GABRG3: variants seen among roughly 807,000 people sequenced by gnomAD.
GABRG3 encodes gamma-aminobutyric acid receptor subunit gamma-3.
A neutral mutation model predicts 48.8 loss-of-function variants in GABRG3; 25 were observed. The ratio of observed to expected loss-of-function variants is 0.51; its 90% CI spans 0.37 to 0.72. The LOEUF is 0.72. GABRG3 is among the 30% of genes least tolerant of loss of function. The pLI is 0.00. For missense variants in GABRG3, 394 were observed against 577.9 expected (o/e 0.68, Z 3.26); for synonymous variants, 227 against 217.6 (o/e 1.04, Z -0.38).
At chr15:27,265,574 A>C (rs188526333) in intron 3 of GABRG3, among the ~76,000 whole-genome samples, 1 of 152,310 alleles carries the variant, frequency 6.6e-6, no homozygotes, top group East Asian at 1.9e-4. Flanking sequence ...AAGCGCCGAA[A>C]GCATTAGGCA....
chr15:27,508,684 T>TTTTTG (rs932816962), intron 6 of GABRG3, among the ~76,000 whole-genome samples: 38 of 152,232 alleles, frequency 2.5e-4, no homozygotes, highest in African/African-American at 8.7e-4. Context: ...CCCTCAGTTT[T>TTTTTG]TTTTGTTTTG....
chr15:27,261,907 C>G (rs1890780903), intron 3 of GABRG3, among the ~76,000 whole-genome samples: 1 of 151,224 alleles, frequency 6.6e-6, no homozygotes, highest in African/African-American at 2.5e-5. Context: ...CCCTGTAAGC[C>G]TCTGGGTTCC....
intron 3 of GABRG3, among the ~76,000 whole-genome samples, chr15:27,169,930 A>G (rs1887509154): frequency 6.6e-6 from 1 of 152,162 alleles, no homozygotes; most frequent in African/African-American, 2.4e-5. Flanking sequence ...TGGAAGAGGG[A>G]GAGAGAGAGG....
intron 3 of GABRG3, among the ~76,000 whole-genome samples, chr15:27,295,644 C>T (rs12914497): frequency 0.022 from 3,299 of 152,232 alleles, 51 homozygotes; most frequent in South Asian, 0.048. Context: ...TAACAATATG[C>T]GGAGACTCTC....
At chr15:27,266,048 T>A (rs1890911505) in intron 3 of GABRG3, among the ~76,000 whole-genome samples, 1 of 151,866 alleles carries the variant, frequency 6.6e-6, no homozygotes, top group Non-Finnish European at 1.5e-5. Context: ...GCCTGGCTAA[T>A]TTTATATTTT....
chr15:27,166,862 A>G (rs1023979788), intron 3 of GABRG3, among the ~76,000 whole-genome samples: 8 of 152,314 alleles, frequency 5.3e-5, no homozygotes, highest in Admixed American at 5.2e-4. Context: ...TAAAGATGAT[A>G]GGATGTCTCT....
At chr15:26,995,189 C>A (rs924648862) in intron 2 of GABRG3, among the ~76,000 whole-genome samples, 1 of 152,048 alleles carries the variant, frequency 6.6e-6, no homozygotes, top group South Asian at 2.1e-4. Flanking sequence ...GGCTGTTTAT[C>A]AATATGAAAT....
At position 27,383,900 on chromosome 15, in the gene GABRG3, G is replaced by A. The variant is rs117709137; in HGVS notation, c.574+55012G>A. 1.9e-3 allele frequency among the ~76,000 whole-genome samples: 286 copies of A among 152,244 alleles called. 10 individuals are homozygous for A. The East Asian group carries it at 0.048, about 26-fold the overall frequency. On this transcript the variant is annotated intron_variant, in intron 5 of 9. Transcript: ENST00000615808. Reference sequence around the variant, plus strand: ...AAAATTCCATGTTCGTTTTCATAATGTCACAAAGCAGAGTGATGCATTCAG... The same window carrying A: ...AAAATTCCATGTTCGTTTTCATAATATCACAAAGCAGAGTGATGCATTCAG...
Position 26,974,157 on chromosome 15 carries a change from C to T in GABRG3, c.53+2569C>T, listed in dbSNP as rs1894894350. On this transcript the variant is annotated intron_variant, in intron 1 of 9. Coordinates refer to ENST00000615808, the MANE Select transcript of GABRG3 (RefSeq NM_033223.5). The surrounding 1 kb of genome is among the most constrained non-coding windows in gnomAD (Gnocchi z 4.3). Reference sequence around the variant, plus strand: ...CATCTCGGCCTCACTCTGCCCACTGCCTACCCAACCAGGCTACACAGCTGG... The same window carrying T: ...CATCTCGGCCTCACTCTGCCCACTGTCTACCCAACCAGGCTACACAGCTGG... 6.6e-6 allele frequency among the ~76,000 whole-genome samples: 1 copy of T among 152,118 alleles called. No homozygotes were observed. The highest frequency in any genetic ancestry group is 6.5e-5 in the Admixed American group (1 of 15,282).
intron 3 of GABRG3, among the ~76,000 whole-genome samples, chr15:27,226,751 C>G (rs1474153186): frequency 6.6e-6 from 1 of 152,194 alleles, no homozygotes; most frequent in Non-Finnish European, 1.5e-5. Flanking sequence ...CCCCCTCTGG[C>G]CCTGAGAGAT....
At chr15:27,090,507 AC>A (rs1374435156) in intron 3 of GABRG3, among the ~76,000 whole-genome samples, 1 of 152,134 alleles carries the variant, frequency 6.6e-6, no homozygotes, top group Admixed American at 6.6e-5. Context: ...TCCACCAACA[AC>A]CTATGAGGGT....
At chr15:27,301,163 G>T (rs1892192808) in intron 3 of GABRG3, among the ~76,000 whole-genome samples, 1 of 152,138 alleles carries the variant, frequency 6.6e-6, no homozygotes, top group African/African-American at 2.4e-5. Flanking sequence ...AACATCTAAA[G>T]TTCTTGTCAT....
In GABRG3 at chr15:27,326,823, CAT is replaced by C; in HGVS notation, c.288_289del (p.Phe98CysfsTer7). The C allele has an allele frequency of 6.2e-7, 1 of 1,613,608 alleles. No individual in the cohort carries two copies. The highest frequency in any genetic ancestry group is 8.5e-7 in the Non-Finnish European group (1 of 1,179,510). On this transcript the variant is annotated frameshift_variant, in exon 4 of 10. Transcript: ENST00000615808. LOFTEE classifies it high-confidence loss of function. ...CTCTGTTTCAGGAATACCAAATTGA[CAT>C]ATTTTTTGCTCAGACCTGGACAGAT... ...SSINMEYQID[I>X]FFAQTWTDSR... is the part of the protein sequence containing the mutation.
intron 2 of GABRG3, among the ~76,000 whole-genome samples, chr15:27,005,214 A>ATTTTTT (rs1258067042): frequency 6.6e-6 from 1 of 151,600 alleles, no homozygotes; most frequent in African/African-American, 2.4e-5. Context: ...TTATTTATTT[A>ATTTTTT]TTTTTGAGAT....
chr15:27,003,923 G>A, intron 2 of GABRG3, among the ~76,000 whole-genome samples: 1 of 149,472 alleles, frequency 6.7e-6, no homozygotes, highest in African/African-American at 2.5e-5. Context: ...TCCCAGTAGG[G>A]GCGGCCGGGC....
intron 5 of GABRG3, among the ~76,000 whole-genome samples, chr15:27,460,965 C>T (rs1843054493): frequency 1.3e-5 from 2 of 152,164 alleles, no homozygotes; most frequent in African/African-American, 4.8e-5. Context: ...CCATGCTTTG[C>T]AGGTTTGGTA....
At chr15:27,497,999 T>C (rs1644251939) in intron 6 of GABRG3, among the ~76,000 whole-genome samples, 2 of 152,266 alleles carry the variant, frequency 1.3e-5, no homozygotes, top group African/African-American at 4.8e-5. Flanking sequence ...TTCTGTTGTT[T>C]CATTTTAAAT....
chr15:27,360,325 G>T (rs529882008), intron 5 of GABRG3, among the ~76,000 whole-genome samples: 1 of 152,114 alleles, frequency 6.6e-6, no homozygotes, highest in Non-Finnish European at 1.5e-5. Context: ...TGACAAGGTC[G>T]GGTGGAATGG....
At chr15:27,342,854 C>T (rs1180428454) in intron 5 of GABRG3, among the ~76,000 whole-genome samples, 1 of 152,210 alleles carries the variant, frequency 6.6e-6, no homozygotes, top group African/African-American at 2.4e-5. Flanking sequence ...CTCACCTGCT[C>T]CTGCCTCCTA....
Sources: allele counts gnomAD v4.1 joint callset (sites outside exome capture counted in the v4.1 genomes callset), GRCh38; gene constraint gnomAD v4.1.1; non-coding constraint Gnocchi (gnomAD v3.1); transcripts MANE v1.5; gene names NCBI Gene and HGNC (gene_info 2026-07-23, HGNC 2026-07-21).